The following VWA3B variants were observed in gnomAD, a reference collection of about 807,000 sequenced individuals.
VWA3B encodes von Willebrand factor A domain containing 3B, also known as von Willebrand factor A domain-containing protein 3B.
VWA3B carries 138 observed loss-of-function variants against 158.3 expected under a neutral mutation model. That is an observed-to-expected ratio of 0.87 (90% CI 0.76 to 1.00). The LOEUF is 1.00. Ranked by LOEUF, VWA3B falls within the 50% of genes least tolerant of loss-of-function variation. The pLI, the probability that VWA3B is intolerant of heterozygous loss-of-function variation, is 0.00. For synonymous variants in VWA3B, 596 were observed against 587.3 expected (o/e 1.01, Z -0.21); for missense variants, 1,555 against 1,565.1 (o/e 0.99, Z 0.11).
intron 22 of VWA3B, among the ~76,000 whole-genome samples, chr2:98,283,287 A>G (rs1688986838): frequency 6.6e-6 from 1 of 152,234 alleles, no homozygotes; most frequent in Non-Finnish European, 1.5e-5. Context: ...ATCGATGTGG[A>G]CATCTTTACG....
chr2:98,305,993 C>A (rs1162134202), intron 26 of VWA3B, among the ~76,000 whole-genome samples: 1 of 152,132 alleles, frequency 6.6e-6, no homozygotes, highest in African/African-American at 2.4e-5. Flanking sequence ...CTAGCCACTC[C>A]CAGCTAACCC....
intron 5 of VWA3B, among the ~76,000 whole-genome samples, chr2:98,123,672 C>A (rs1675142751): frequency 6.6e-6 from 1 of 152,126 alleles, no homozygotes; most frequent in African/African-American, 2.4e-5. Context: ...CACGTGGGGT[C>A]CTGGGGACAT....
At chr2:98,201,507 T>C (rs1175161596) in intron 12 of VWA3B, among the ~76,000 whole-genome samples, 2 of 152,204 alleles carry the variant, frequency 1.3e-5, no homozygotes, top group Non-Finnish European at 2.9e-5. Context: ...TGGCTAAGAC[T>C]TTCAGTATGA....
At chr2:98,207,772 T>C (rs1683142965) in intron 12 of VWA3B, 1 of 305,770 alleles carries the variant, frequency 3.3e-6, no homozygotes, top group Non-Finnish European at 6.4e-6. Context: ...TCTGCTGTAC[T>C]GTCCCTCTCC....
chr2:98,144,263 T>G (rs1677003637), intron 7 of VWA3B, among the ~76,000 whole-genome samples: 1 of 152,294 alleles, frequency 6.6e-6, no homozygotes, highest in East Asian at 1.9e-4. Flanking sequence ...TAAATTATAG[T>G]TGTCATTATT....
chr2:98,274,669 G>A (rs182379043), intron 22 of VWA3B, among the ~76,000 whole-genome samples: 15 of 152,318 alleles, frequency 9.8e-5, no homozygotes, highest in Non-Finnish European at 1.5e-4. Flanking sequence ...ACTTATGCCT[G>A]TAGGAAATGG....
intron 12 of VWA3B, among the ~76,000 whole-genome samples, chr2:98,208,864 T>G (rs1033330325): frequency 5.3e-5 from 8 of 152,204 alleles, no homozygotes; most frequent in African/African-American, 1.9e-4. Flanking sequence ...AGTCCAGGCT[T>G]TTTTCTTTTC....
At chr2:98,271,801 A>G (rs1688215618) in intron 22 of VWA3B, among the ~76,000 whole-genome samples, 1 of 152,246 alleles carries the variant, frequency 6.6e-6, no homozygotes, top group Non-Finnish European at 1.5e-5. Flanking sequence ...GTCTATAAAT[A>G]CACATGGCCA....
At chr2:98,260,278 T>C (rs1022545330) in intron 21 of VWA3B, among the ~76,000 whole-genome samples, 16 of 151,774 alleles carry the variant, frequency 1.1e-4, no homozygotes, top group African/African-American at 3.6e-4. Flanking sequence ...TTATAAATTT[T>C]CTGTCTAGAT....
intron 8 of VWA3B, among the ~76,000 whole-genome samples, chr2:98,170,303 A>G (rs1265324661): frequency 6.6e-6 from 1 of 152,210 alleles, no homozygotes; most frequent in South Asian, 2.1e-4. Flanking sequence ...TTGTGTAGTC[A>G]TGCTTTAATC....
intron 22 of VWA3B, among the ~76,000 whole-genome samples, chr2:98,281,970 A>G (rs1688903236): frequency 6.6e-6 from 1 of 152,042 alleles, no homozygotes; most frequent in Non-Finnish European, 1.5e-5. Flanking sequence ...TTCATCACCC[A>G]TGGGTTTCTT....
intron 6 of VWA3B, 61 bp from the exon 7 acceptor site, chr2:98,133,763 G>A: frequency 1.4e-6 from 2 of 1,451,460 alleles, no homozygotes; most frequent in South Asian, 1.2e-5. Context: ...CCAGGAGAAG[G>A]AACAAGCATG....
At chr2:98,147,428 C>T (rs991600144) in intron 7 of VWA3B, among the ~76,000 whole-genome samples, 1 of 152,132 alleles carries the variant, frequency 6.6e-6, no homozygotes, top group Non-Finnish European at 1.5e-5. Context: ...ATATTTCCTA[C>T]AGGTCTTCTC....
At chr2:98,097,942 A>G (rs1232437438) in intron 2 of VWA3B, among the ~76,000 whole-genome samples, 1 of 151,980 alleles carries the variant, frequency 6.6e-6, no homozygotes, top group Non-Finnish European at 1.5e-5. Flanking sequence ...TTGCCCATGA[A>G]ATATTTTAAT....
At chr2:98,117,921 G>A (rs951727252) in intron 3 of VWA3B, among the ~76,000 whole-genome samples, 3 of 151,924 alleles carry the variant, frequency 2.0e-5, no homozygotes, top group African/African-American at 7.3e-5. Flanking sequence ...ATTTTTAGTA[G>A]AGATGGGGTT....
chr2:98,194,203 C>A (rs1052288215), intron 11 of VWA3B, among the ~76,000 whole-genome samples, 158 bp from the exon 12 acceptor site: 1 of 151,608 alleles, frequency 6.6e-6, no homozygotes, highest in African/African-American at 2.4e-5. Flanking sequence ...TTTAAATATC[C>A]TTTATACTAG....
chr2:98,278,757 G>T (rs571786458), intron 22 of VWA3B, among the ~76,000 whole-genome samples: 2 of 152,286 alleles, frequency 1.3e-5, no homozygotes, highest in African/African-American at 2.4e-5. Flanking sequence ...GGATGGGGGG[G>T]TGGTGTGGGC....
At chr2:98,330,366 C>T in the VWA3B span, among the ~76,000 whole-genome samples, 1 of 152,150 alleles carries the variant, frequency 6.6e-6, no homozygotes, top group Non-Finnish European at 1.5e-5. Flanking sequence ...AATTCTCTCT[C>T]CCCTCTTTAC....
At chr2:98,129,602 C>A (rs547008260) in intron 6 of VWA3B, among the ~76,000 whole-genome samples, 1 of 152,212 alleles carries the variant, frequency 6.6e-6, no homozygotes, top group African/African-American at 2.4e-5. Flanking sequence ...ACTATCTTTT[C>A]AATGGCAGTA....
Sources: allele counts gnomAD v4.1 joint callset (sites outside exome capture counted in the v4.1 genomes callset), GRCh38; gene constraint gnomAD v4.1.1; transcripts MANE v1.5; gene names NCBI Gene and HGNC (gene_info 2026-07-23, HGNC 2026-07-21).